The following GRK1 variants were observed in gnomAD, a reference collection of about 807,000 sequenced individuals.
The protein encoded by GRK1 is rhodopsin kinase GRK1.
GRK1 carries 28 observed loss-of-function variants against 41.7 expected under a neutral mutation model. That is an observed-to-expected ratio of 0.67 (90% CI 0.50 to 0.92). The LOEUF is 0.92. GRK1 is among the 40% of genes least tolerant of loss of function. GRK1 has a pLI of 0.00. For missense variants in GRK1, 703 were observed against 671.2 expected, an observed-to-expected ratio of 1.05 and a Z score of -0.52; for synonymous variants, 327 against 286.7, an observed-to-expected ratio of 1.14 and a Z score of -1.42.
the GRK1 span, among the ~76,000 whole-genome samples, chr13:113,660,436 G>C: frequency 6.6e-6 from 1 of 152,212 alleles, no homozygotes; most frequent in African/African-American, 2.4e-5. Flanking sequence ...TGTTAACAAG[G>C]TGAAGCCTCT....
chr13:113,667,574 T>C lies in GRK1; in HGVS notation c.188T>C (p.Leu63Ser), dbSNP rs781598529. Residue 63 changes from leucine to serine, a missense_variant, in exon 1 of 7, where the codon TTG (leucine) becomes TCG (serine). Physicochemically the swap from Leu to Ser is moderately radical, Grantham distance 145. Transcript: ENST00000335678. The surrounding 1 kb of genome is among the most constrained non-coding windows in gnomAD (Gnocchi z 7.5). ...AGCCTGGAGTTTGAGAGTGTGTGCT[T>C]GGAGCAGCCCATCGGCAAGAAGCTC... ...SLSLEFESVC[L>S]EQPIGKKLFQ... 34 of 1,613,550 alleles carry C rather than the reference T, an allele frequency of 2.1e-5. No individual in the cohort carries two copies. In the South Asian group the frequency reaches 3.2e-4, roughly 15 times the overall value.
At chr13:113,728,166 GAAT>G (rs1289052469) in intron 4 of GRK1, among the ~76,000 whole-genome samples, 1 of 98,874 alleles carries the variant, frequency 1.0e-5, no homozygotes. Flanking sequence ...TGGCGATGAG[GAAT>G]ACCCATGGCG....
chr13:113,658,743 A>G, the GRK1 span, among the ~76,000 whole-genome samples: 13 of 152,216 alleles, frequency 8.5e-5, 1 homozygote, highest in South Asian at 2.7e-3. Context: ...TGCCTCCCAG[A>G]TTCACCCAGA....
In GRK1 at chr13:113,731,202, A is replaced by G. The variant is rs778918171; in HGVS notation, c.1070-17A>G. 21 of 1,536,342 alleles carry G rather than the reference A, an allele frequency of 1.4e-5. No homozygotes were observed. The highest frequency in any genetic ancestry group is 6.0e-5 in the South Asian group (5 of 84,024). Reference sequence around the variant, plus strand: ...GGAGGTGACCACCTCTGAACCCGCAATGTCCCTTGCTGGCAGGTTTCATGG... The same window carrying G: ...GGAGGTGACCACCTCTGAACCCGCAGTGTCCCTTGCTGGCAGGTTTCATGG... On this transcript the variant is annotated splice_polypyrimidine_tract_variant and intron_variant, in intron 4 of 6. Transcript: ENST00000335678. This position sits in a 1 kb window ranked among gnomAD's most constrained non-coding sequence, Gnocchi z 5.6.
the GRK1 span, among the ~76,000 whole-genome samples, chr13:113,648,346 C>T: frequency 2.0e-5 from 3 of 152,218 alleles, no homozygotes; most frequent in Admixed American, 6.5e-5. Context: ...TGGGGGCTGA[C>T]GGACTTCGAC....
chr13:113,730,008 C>T (rs2049923296), intron 4 of GRK1, among the ~76,000 whole-genome samples: 2 of 150,316 alleles, frequency 1.3e-5, no homozygotes, highest in Admixed American at 1.3e-4. Flanking sequence ...CCAGACCCGT[C>T]CCTTCATCCT....
the GRK1 span, chr13:113,649,229 T>A: frequency 5.9e-5 from 55 of 925,066 alleles, no homozygotes; most frequent in African/African-American, 8.8e-4. This position sits in a 1 kb window ranked among gnomAD's most constrained non-coding sequence, Gnocchi z 4.7. Context: ...TGGGCGCTTC[T>A]CTGGAGTTCG....
intron 1 of GRK1, 130 bp from the exon 2 acceptor site, chr13:113,669,557 C>T: frequency 9.3e-7 from 1 of 1,075,128 alleles, no homozygotes; most frequent in Non-Finnish European, 1.4e-6. Context: ...GTGAAAGGCG[C>T]ATTTAAAGCA....
intron 6 of GRK1, 151 bp from the exon 7 acceptor site, chr13:113,734,917 T>C (rs1216287831): frequency 1.4e-6 from 1 of 732,660 alleles, no homozygotes. Flanking sequence ...AACACTGGGC[T>C]TTCTCTCTCA....
chr13:113,725,227 C>G (rs972465406), intron 4 of GRK1, among the ~76,000 whole-genome samples: 1 of 152,228 alleles, frequency 6.6e-6, no homozygotes, highest in Admixed American at 6.5e-5. Flanking sequence ...AGAAGCCTGT[C>G]GGGGGACTCC....
At chr13:113,727,420 T>A (rs1173409495) in intron 4 of GRK1, among the ~76,000 whole-genome samples, 1 of 152,122 alleles carries the variant, frequency 6.6e-6, no homozygotes, top group Non-Finnish European at 1.5e-5. Context: ...CTGTGGCCTG[T>A]AGGCTGTGGC....
rs770036554 is a variant in GRK1 at position 113,668,088 on chromosome 13, G to A, written c.699+3G>A. The A allele has an allele frequency of 5.6e-6, 9 of 1,598,776 alleles. No homozygotes were observed. The highest frequency in any genetic ancestry group is 1.1e-5 in the South Asian group (1 of 88,998). ...TGAAGAAGAGGAAGGGCTACCAGGTGAGCAGCGCGACCCGGCCAGCAGGGA... is the reference window on the plus strand; with the variant it reads ...TGAAGAAGAGGAAGGGCTACCAGGTAAGCAGCGCGACCCGGCCAGCAGGGA... On this transcript the variant is annotated splice_donor_region_variant and intron_variant, in intron 1 of 6. Transcript: ENST00000335678.
chr13:113,733,692 CAT>C (rs2049961879), intron 6 of GRK1, among the ~76,000 whole-genome samples: 1 of 101,002 alleles, frequency 9.9e-6, no homozygotes, highest in African/African-American at 4.4e-5. Context: ...TGTATGTGTG[CAT>C]ACATGTGTGC....
chr13:113,649,502 G>A, the GRK1 span: 19 of 1,545,374 alleles, frequency 1.2e-5, no homozygotes, highest in African/African-American at 2.3e-4. This position sits in a 1 kb window ranked among gnomAD's most constrained non-coding sequence, Gnocchi z 4.7. Context: ...ATGTTGAGGA[G>A]CTTCGCTGCC....
rs148033267 is a variant in GRK1, at chr13:113,723,063, C to T, written c.986-11C>T. The T allele has an allele frequency of 3.5e-4, 245 of 698,924 alleles. 3 individuals are homozygous for T. In the African/African-American group the frequency reaches 3.6e-3, roughly 10 times the overall value. The allele number at this position is 698,924 out of a possible 1,614,324, so 43.3% of individuals were successfully genotyped here. ...GTGCAGCCAGGGGTGACTCCGCTAT[C>T]TGCCTCTCAGGCAATGTCCGGATCT... On this transcript the variant is annotated splice_polypyrimidine_tract_variant and intron_variant, in intron 3 of 6. Coordinates refer to ENST00000335678, the MANE Select transcript of GRK1 (RefSeq NM_002929.3).
chr13:113,730,188 C>G (rs1485735390), intron 4 of GRK1, among the ~76,000 whole-genome samples: 1 of 135,178 alleles, frequency 7.4e-6, no homozygotes, highest in African/African-American at 2.9e-5. Context: ...GTCCCCGCGG[C>G]TGCACCCAGA....
At chr13:113,733,812 T>C (rs1054251498) in intron 6 of GRK1, among the ~76,000 whole-genome samples, 1 of 115,442 alleles carries the variant, frequency 8.7e-6, no homozygotes, top group Non-Finnish European at 2.0e-5. Flanking sequence ...TCTGTGTGCA[T>C]ACGTGTGTGC....
chr13:113,651,007 T>A, the GRK1 span, among the ~76,000 whole-genome samples: 247 of 151,566 alleles, frequency 1.6e-3, no homozygotes, highest in African/African-American at 5.8e-3. Flanking sequence ...GGAGCCGCAG[T>A]GTGGCCCAAA....
Position 113,733,064 on chromosome 13 carries a change from A to T in GRK1, c.1375A>T (p.Asn459Tyr). ...LRAHPLFKDL[N>Y]WRQLEAGMLM... ...TGCCCACCCCCTCTTCAAGGACCTT[A>T]ACTGGAGGCAGCTGGAGGCTGGTAC... The change falls in exon 6 of 7, where the codon AAC (asparagine) becomes TAC (tyrosine). Residue 459 changes from asparagine to tyrosine, a missense_variant. Physicochemically the swap from Asn to Tyr is moderately radical, Grantham distance 143 (BLOSUM62 -2). Transcript: ENST00000335678. 1 of 1,536,762 alleles carries T rather than the reference A, an allele frequency of 6.5e-7. No homozygotes were observed.
Sources: allele counts gnomAD v4.1 joint callset (sites outside exome capture counted in the v4.1 genomes callset), GRCh38; gene constraint gnomAD v4.1.1; non-coding constraint Gnocchi (gnomAD v3.1); transcripts MANE v1.5; gene names NCBI Gene and HGNC (gene_info 2026-07-23, HGNC 2026-07-21).